The following ZC3H18 variants were observed in gnomAD, a reference collection of about 807,000 sequenced individuals.
The protein encoded by ZC3H18 is zinc finger CCCH domain-containing protein 18.
Under a neutral mutation model 106.1 loss-of-function variants are expected in ZC3H18, and 8 were observed. That is an observed-to-expected ratio of 0.08 (90% confidence interval 0.04 to 0.14). ZC3H18 has a LOEUF of 0.14. Among genes scored for constraint, ZC3H18 ranks in the 10% least tolerant of loss-of-function variants. ZC3H18 has a pLI of 1.00. For missense variants in ZC3H18, 1,318 were observed against 1,278.4 expected, an observed-to-expected ratio of 1.03 and a Z score of -0.47; for synonymous variants, 635 against 522.1, an observed-to-expected ratio of 1.22 and a Z score of -2.95.
At position 88,628,799 on chromosome 16, in the gene ZC3H18, C is replaced by A. The variant is rs769221067; in HGVS notation, c.2511C>A (p.Asp837Glu). Residue 837 changes from aspartate to glutamate, a missense_variant, in exon 16 of 18, where the codon GAC (aspartate) becomes GAA (glutamate). Around this residue, in one of 6 missense-constraint regions of ZC3H18, gnomAD observed 848 missense variants for 821.7 expected, o/e 1.03. Transcript: ENST00000301011. Reference protein sequence around the residue: ...KGSRKRYEPSDKDRQSPPPAK... With the variant: ...KGSRKRYEPSEKDRQSPPPAK... Reference sequence around the variant, plus strand: ...GCAGGAAGCGCTATGAACCATCAGACAAGGACAGGCAGAGCCCTCCTCCAG... The same window carrying A: ...GCAGGAAGCGCTATGAACCATCAGAAAAGGACAGGCAGAGCCCTCCTCCAG... The A allele has an allele frequency of 1.7e-5, 28 of 1,614,016 alleles. No individual in the cohort carries two copies. The South Asian group carries it at 2.9e-4, about 16-fold the overall frequency.
intron 6 of ZC3H18, 87 bp from the exon 7 acceptor site, chr16:88,608,847 G>T: frequency 1.7e-6 from 2 of 1,156,594 alleles, no homozygotes; most frequent in South Asian, 1.4e-5. Flanking sequence ...GTCACGGTCT[G>T]TTACTTTCTG....
intron 8 of ZC3H18, among the ~76,000 whole-genome samples, chr16:88,618,811 T>G (rs1905781647): frequency 6.6e-6 from 1 of 152,208 alleles, no homozygotes. Flanking sequence ...GAAGTGTTCA[T>G]GCAAATTCCA....
Position 88,627,479 on chromosome 16 carries a change from G to T in ZC3H18, c.2109-143G>T, listed in dbSNP as rs1206792888. On this transcript the variant is annotated intron_variant, in intron 13 of 17. Coordinates refer to ENST00000301011, the MANE Select transcript of ZC3H18 (RefSeq NM_144604.4). This position sits in a 1 kb window ranked among gnomAD's most constrained non-coding sequence, Gnocchi z 4.5. ...TCCCTTACTTTGTAACCCTGAAACTGCCCAGTGTCCCCCCAAAATCACACA... is the reference window on the plus strand; with the variant it reads ...TCCCTTACTTTGTAACCCTGAAACTTCCCAGTGTCCCCCCAAAATCACACA... The T allele has an allele frequency of 6.9e-6, 8 of 1,164,586 alleles. No homozygotes were observed. The highest frequency in any genetic ancestry group is 8.4e-6 in the Non-Finnish European group (7 of 835,380). The allele number at this position is 1,164,586 out of a possible 1,614,324, so 72.1% of individuals were successfully genotyped here. A position where few individuals can be genotyped will look rare whatever the true frequency, so the allele number is the denominator to read the frequency against.
Position 88,596,623 on chromosome 16 carries a change from C to G in ZC3H18, c.689-1555C>G, listed in dbSNP as rs28360844. Among the ~76,000 whole-genome samples, 350 of 152,124 alleles carry G rather than the reference C, an allele frequency of 2.3e-3. 4 individuals carry two copies. Among genetic ancestry groups the G allele is most frequent in the Middle Eastern group, 0.01 (3 of 294 alleles). On this transcript the variant is annotated intron_variant, in intron 3 of 17. Coordinates refer to ENST00000301011, the MANE Select transcript of ZC3H18 (RefSeq NM_144604.4). ...TCATTGCACTCCAGCCTGGGACTGT[C>G]TCACTCAGTCAGAGTGAGACTCCAT...
intron 1 of ZC3H18, among the ~76,000 whole-genome samples, chr16:88,576,468 G>A (rs1347582327): frequency 6.6e-6 from 1 of 152,186 alleles, no homozygotes; most frequent in Admixed American, 6.5e-5. Flanking sequence ...CTGAGCGGGT[G>A]AACACAGCCC....
rs142827929 is a variant in ZC3H18 at position 88,627,631 on chromosome 16, C to T, written c.2118C>T (p.Ser706=). ...SGSSSRSRSL[S]VSSVSSVSSA... ...GTGCTTGTGTGTCCAGGTCCCTGAG[C>T]GTGAGCAGCGTCTCCTCAGTGTCCA... The change falls in exon 14 of 18, where the codon AGC becomes AGT. Residue 706 remains serine, a synonymous_variant. Coordinates refer to ENST00000301011, the MANE Select transcript of ZC3H18 (RefSeq NM_144604.4). The surrounding 1 kb of genome is among the most constrained non-coding windows in gnomAD (Gnocchi z 4.5). 514 of 1,603,518 alleles carry T rather than the reference C, an allele frequency of 3.2e-4. 1 individual carries two copies. The African/African-American group carries it at 5.7e-3, about 18-fold the overall frequency.
intron 3 of ZC3H18, among the ~76,000 whole-genome samples, chr16:88,587,303 C>T (rs1915494725): frequency 1.3e-5 from 2 of 152,094 alleles, no homozygotes; most frequent in South Asian, 2.1e-4. Flanking sequence ...CTTTTTGTTT[C>T]GCTGCTTAAT....
chr16:88,588,215 C>T (rs945047891), intron 3 of ZC3H18, among the ~76,000 whole-genome samples: 1 of 152,214 alleles, frequency 6.6e-6, no homozygotes, highest in African/African-American at 2.4e-5. Flanking sequence ...TCTCAAATTT[C>T]TGTATGAAAG....
chr16:88,631,406 A>G lies in ZC3H18; in HGVS notation c.*107A>G. ...TTGGCTGTGATTCTTTTTAAAAAGT[A>G]AAAAAGAAAAAAAAGTTTCTCAGCT... On this transcript the variant is annotated 3_prime_UTR_variant, in exon 18 of 18. Transcript: ENST00000301011. 7.0e-7 allele frequency: 1 copy of G among 1,418,600 alleles called. No individual in the cohort carries two copies. The highest frequency in any genetic ancestry group is 9.5e-7 in the Non-Finnish European group (1 of 1,053,644). 87.9% of individuals were successfully genotyped at this position (1,418,600 alleles called of 1,614,324 possible).
chr16:88,617,504 A>C (rs889275513), intron 8 of ZC3H18, among the ~76,000 whole-genome samples: 2 of 152,176 alleles, frequency 1.3e-5, no homozygotes, highest in Non-Finnish European at 1.5e-5. Context: ...CCGCCGAGGC[A>C]CGTCATTACG....
chr16:88,583,716 C>G (rs1026485814), intron 2 of ZC3H18, among the ~76,000 whole-genome samples: 3 of 152,210 alleles, frequency 2.0e-5, no homozygotes, highest in Admixed American at 6.5e-5. Context: ...GATGGGTGCA[C>G]TGAGGCCTGT....
At position 88,631,160 on chromosome 16, in the gene ZC3H18, A is replaced by T; in HGVS notation, c.2723A>T (p.Lys908Ile). The change falls in exon 18 of 18, where the codon AAA (lysine) becomes ATA (isoleucine). Residue 908 changes from lysine (K) to isoleucine (I), a missense_variant. Coordinates refer to ENST00000301011, the MANE Select transcript of ZC3H18 (RefSeq NM_144604.4). ...SSSKVTSVPG[K>I]ASDPGAASTK... Reference sequence around the variant, plus strand: ...AGCAAGGTCACGAGCGTGCCCGGCAAAGCCTCGGATCCCGGCGCCGCCAGC... The same window carrying T: ...AGCAAGGTCACGAGCGTGCCCGGCATAGCCTCGGATCCCGGCGCCGCCAGC... 1 of 1,613,496 alleles carries T rather than the reference A, an allele frequency of 6.2e-7. No individual in the cohort carries two copies. Among genetic ancestry groups the T allele is most frequent in the Non-Finnish European group, 8.5e-7 (1 of 1,180,006 alleles).
intron 2 of ZC3H18, among the ~76,000 whole-genome samples, chr16:88,578,440 AC>A: frequency 6.6e-6 from 1 of 152,028 alleles, no homozygotes; most frequent in South Asian, 2.1e-4. Context: ...CGGGAGAAAC[AC>A]CCCAAAGTCC....
At chr16:88,621,800 A>G (rs1360225819) in intron 8 of ZC3H18, among the ~76,000 whole-genome samples, 1 of 152,188 alleles carries the variant, frequency 6.6e-6, no homozygotes, top group Non-Finnish European at 1.5e-5. Flanking sequence ...CTTATTTCAT[A>G]AATATTTATT....
chr16:88,590,043 G>A (rs1915651468), intron 3 of ZC3H18, among the ~76,000 whole-genome samples: 1 of 152,204 alleles, frequency 6.6e-6, no homozygotes, highest in African/African-American at 2.4e-5. Flanking sequence ...AGCACTTTGG[G>A]AAGCTGAATG....
chr16:88,620,846 T>A (rs1905913025), intron 8 of ZC3H18, among the ~76,000 whole-genome samples: 2 of 152,276 alleles, frequency 1.3e-5, no homozygotes, highest in Non-Finnish European at 1.5e-5. Context: ...GGGGTCAGTT[T>A]AATATCATTT....
At chr16:88,621,213 T>G (rs1905936082) in intron 8 of ZC3H18, among the ~76,000 whole-genome samples, 1 of 149,022 alleles carries the variant, frequency 6.7e-6, no homozygotes, top group Non-Finnish European at 1.5e-5. Context: ...TCCAACTAAT[T>G]TTTGTTTTTG....
intron 11 of ZC3H18, chr16:88,624,371 G>A (rs1567599040): frequency 9.9e-6 from 7 of 707,780 alleles, no homozygotes; most frequent in Non-Finnish European, 1.6e-5. Context: ...GGCGGTGCCT[G>A]TAGCTCTTGC....
At chr16:88,584,828 C>T (rs912532460) in intron 2 of ZC3H18, among the ~76,000 whole-genome samples, 1 of 152,236 alleles carries the variant, frequency 6.6e-6, no homozygotes, top group Non-Finnish European at 1.5e-5. Context: ...AATGCTACAT[C>T]TGATCTAGTT....
Sources: allele counts gnomAD v4.1 joint callset (sites outside exome capture counted in the v4.1 genomes callset), GRCh38; gene constraint gnomAD v4.1.1; regional missense constraint gnomAD v4.1.1; non-coding constraint Gnocchi (gnomAD v3.1); transcripts MANE v1.5; gene names NCBI Gene and HGNC (gene_info 2026-07-23, HGNC 2026-07-21).